The following RGS6 variants were observed in gnomAD, a reference collection of about 807,000 sequenced individuals.
RGS6 encodes regulator of G protein signaling 6.
RGS6 carries 30 observed loss-of-function variants against 78.5 expected under a neutral mutation model. The observed-to-expected ratio is 0.38, with a 90% CI of 0.29 to 0.52. The LOEUF is 0.52. Ranked by LOEUF, RGS6 falls within the 20% of genes least tolerant of loss-of-function variation. The probability of loss-of-function intolerance (pLI) is 0.85; values close to 1 mark genes in which losing one functional copy is unlikely to be tolerated. For missense variants in RGS6, 495 were observed against 609.7 expected, an observed-to-expected ratio of 0.81 and a Z score of 1.98; for synonymous variants, 206 against 206.0, an observed-to-expected ratio of 1.00 and a Z score of 0.00.
chr14:72,580,313 C>G, the RGS6 span, among the ~76,000 whole-genome samples: 5 of 145,702 alleles, frequency 3.4e-5, no homozygotes, highest in South Asian at 2.3e-4. Flanking sequence ...AATGTCCCCC[C>G]CACCCCGACC....
chr14:72,269,064 G>C (rs887241963), intron 2 of RGS6, among the ~76,000 whole-genome samples: 1 of 152,054 alleles, frequency 6.6e-6, no homozygotes, highest in Non-Finnish European at 1.5e-5. Flanking sequence ...TGTTTCTCTT[G>C]TATCTTTTAA....
At position 71,971,634 on chromosome 14, in the gene RGS6, G is replaced by T. The variant is rs564583521; in HGVS notation, c.84+6759G>T. On this transcript the variant is annotated intron_variant, in intron 2 of 17. Coordinates refer to ENST00000553525, the MANE Select transcript of RGS6 (RefSeq NM_001204424.2). Reference sequence around the variant, plus strand: ...ATTTATTATGTCACAATTTCTATGGGTTAGTAATCCAAGTGCAGATTCCGT... The same window carrying T: ...ATTTATTATGTCACAATTTCTATGGTTTAGTAATCCAAGTGCAGATTCCGT... Among the ~76,000 whole-genome samples the T allele has an allele frequency of 1.2e-4, 19 of 152,306 alleles. No homozygotes were observed. In the South Asian group the frequency reaches 3.7e-3, roughly 30 times the overall value.
intron 14 of RGS6, among the ~76,000 whole-genome samples, chr14:72,510,701 G>T (rs1304243847): frequency 6.6e-6 from 1 of 152,162 alleles, no homozygotes; most frequent in African/African-American, 2.4e-5. Context: ...AGAAGTCAGT[G>T]GGCTCATTTC....
At chr14:72,396,543 G>C (rs1464306728) in intron 3 of RGS6, among the ~76,000 whole-genome samples, 1 of 152,042 alleles carries the variant, frequency 6.6e-6, no homozygotes, top group Non-Finnish European at 1.5e-5. Context: ...AAGCTCTTTA[G>C]TCTGATTAGA....
intron 2 of RGS6, among the ~76,000 whole-genome samples, chr14:72,213,500 T>A (rs1055609338): frequency 3.9e-5 from 6 of 152,200 alleles, no homozygotes; most frequent in African/African-American, 1.4e-4. Flanking sequence ...TACTTACTAA[T>A]TTGATTTGAC....
At chr14:72,312,079 G>T (rs940930666) in intron 2 of RGS6, among the ~76,000 whole-genome samples, 2 of 152,170 alleles carry the variant, frequency 1.3e-5, no homozygotes, top group Non-Finnish European at 2.9e-5. Flanking sequence ...GCTCTTGGGG[G>T]CAGCCTGAGG....
At chr14:72,455,152 T>TA (rs2095598252) in intron 4 of RGS6, among the ~76,000 whole-genome samples, 2 of 151,526 alleles carry the variant, frequency 1.3e-5, no homozygotes, top group Admixed American at 1.3e-4. Context: ...AATTAGGAAA[T>TA]GGGGGGGGTG....
At chr14:72,228,970 G>A (rs539585846) in intron 2 of RGS6, among the ~76,000 whole-genome samples, 4 of 152,128 alleles carry the variant, frequency 2.6e-5, no homozygotes, top group African/African-American at 7.2e-5. Context: ...CAGAAGAATC[G>A]CTTGAACCTG....
intron 2 of RGS6, among the ~76,000 whole-genome samples, chr14:72,075,192 G>A (rs2094534692): frequency 6.6e-6 from 1 of 152,142 alleles, no homozygotes; most frequent in Non-Finnish European, 1.5e-5. Flanking sequence ...ATTATCATTA[G>A]AAAACTCGCC....
chr14:72,065,912 TC>T (rs1216334678), intron 2 of RGS6, among the ~76,000 whole-genome samples: 1 of 148,824 alleles, frequency 6.7e-6, no homozygotes, highest in East Asian at 2.0e-4. Context: ...CCCGATGCTA[TC>T]CCTCCCCCCC....
chr14:72,496,255 C>A (rs1351328039), intron 13 of RGS6, among the ~76,000 whole-genome samples: 2 of 152,148 alleles, frequency 1.3e-5, no homozygotes, highest in African/African-American at 4.8e-5. Flanking sequence ...ACCCTGAGCA[C>A]TGTGGGGAAC....
rs964325032 is a variant in RGS6, at chr14:72,057,244, G to A, written c.84+92369G>A. Among the ~76,000 whole-genome samples the A allele has an allele frequency of 6.1e-5, 9 of 148,032 alleles. 1 individual carries two copies. The highest frequency in any genetic ancestry group is 1.2e-4 in the Non-Finnish European group (8 of 67,630). Reference sequence around the variant, plus strand: ...GAGGTGAATTGCTTGAACCTGGGAGGCAGAGGTTTCAGTGAGCTAAGATCG... The same window carrying A: ...GAGGTGAATTGCTTGAACCTGGGAGACAGAGGTTTCAGTGAGCTAAGATCG... On this transcript the variant is annotated intron_variant, in intron 2 of 17. Transcript: ENST00000553525.
At chr14:72,001,621 C>T (rs1456361562) in intron 2 of RGS6, among the ~76,000 whole-genome samples, 1 of 152,072 alleles carries the variant, frequency 6.6e-6, no homozygotes, top group African/African-American at 2.4e-5. Flanking sequence ...AAGACATATT[C>T]TCTTATTTTC....
intron 3 of RGS6, among the ~76,000 whole-genome samples, chr14:72,362,752 A>G (rs1395156388): frequency 6.6e-6 from 1 of 152,234 alleles, no homozygotes; most frequent in East Asian, 1.9e-4. Flanking sequence ...ATTACAAGGC[A>G]AAGTCTGGAT....
At chr14:72,591,515 C>A in the RGS6 span, among the ~76,000 whole-genome samples, 1 of 152,080 alleles carries the variant, frequency 6.6e-6, no homozygotes, top group Admixed American at 6.5e-5. Context: ...AATGTCTCCG[C>A]GTGGTACCAG....
chr14:72,175,801 G>A (rs1368568168), intron 2 of RGS6, among the ~76,000 whole-genome samples: 2 of 152,162 alleles, frequency 1.3e-5, no homozygotes, highest in Non-Finnish European at 1.5e-5. Context: ...TGCTACAGCA[G>A]CACGGCCTAG....
the RGS6 span, among the ~76,000 whole-genome samples, chr14:71,885,869 A>T: frequency 6.6e-6 from 1 of 151,774 alleles, no homozygotes; most frequent in Non-Finnish European, 1.5e-5. Context: ...AATACTAGTG[A>T]GATAAAATTC....
At chr14:72,612,333 C>T in the RGS6 span, 5 of 435,768 alleles carry the variant, frequency 1.1e-5, no homozygotes, top group Middle Eastern at 4.8e-4. Context: ...CTACCTACCC[C>T]GCCTCTCTCC....
chr14:72,261,654 C>T lies in RGS6; in HGVS notation c.85-90441C>T, dbSNP rs113017138. Among the ~76,000 whole-genome samples, 1,182 of 152,230 alleles carry T rather than the reference C, an allele frequency of 7.8e-3. 15 individuals carry two copies. The highest frequency in any genetic ancestry group is 0.027 in the African/African-American group (1,118 of 41,540). ...AACCAGTTACCAAACCCACACGATA[C>T]AGAGACATTGAGATTCCAATATGAA... On this transcript the variant is annotated intron_variant, in intron 2 of 17. Transcript: ENST00000553525.
Sources: allele counts gnomAD v4.1 joint callset (sites outside exome capture counted in the v4.1 genomes callset), GRCh38; gene constraint gnomAD v4.1.1; transcripts MANE v1.5; gene names NCBI Gene and HGNC (gene_info 2026-07-23, HGNC 2026-07-21).